Variants in TRMT10C observed in about 807,000 individuals in gnomAD.
TRMT10C encodes the protein tRNA methyltransferase 10C, mitochondrial RNase P subunit.
Under a neutral mutation model 27.4 loss-of-function variants are expected in TRMT10C, and 14 were observed. The observed-to-expected ratio is 0.51, with a 90% confidence interval of 0.34 to 0.80. The LOEUF is 0.80. TRMT10C is among the 30% of genes least tolerant of loss of function. The pLI, the probability that TRMT10C is intolerant of heterozygous loss-of-function variation, is 0.02. For missense variants in TRMT10C, 438 were observed against 464.8 expected, an observed-to-expected ratio of 0.94 and a Z score of 0.53; for synonymous variants, 143 against 155.9, an observed-to-expected ratio of 0.92 and a Z score of 0.62.
Position 101,566,051 on chromosome 3 carries a change from T to G in TRMT10C, c.*58T>G. On this transcript the variant is annotated 3_prime_UTR_variant, in exon 2 of 2. Coordinates refer to ENST00000309922, the MANE Select transcript of TRMT10C (RefSeq NM_017819.4). ...GAACACGTGGCTCAAATGAGAACAT[T>G]TGATGGCTTAAAAAGTAAATGCGTT... is the stretch of plus-strand genomic sequence containing the variant. 1 of 1,503,452 alleles carries G rather than the reference T, an allele frequency of 6.7e-7. No homozygotes were observed. Among genetic ancestry groups the G allele is most frequent in the Non-Finnish European group, 8.9e-7 (1 of 1,123,392 alleles). The allele number at this position is 1,503,452 out of a possible 1,614,324, so 93.1% of individuals were successfully genotyped here.
Position 101,565,647 on chromosome 3 carries a change from A to T in TRMT10C, c.866A>T (p.Tyr289Phe), listed in dbSNP as rs187732394. Residue 289 changes from tyrosine (Y) to phenylalanine (F), a missense_variant, in exon 2 of 2, where the codon TAT (tyrosine) becomes TTT (phenylalanine). Physicochemically the swap from Tyr to Phe is conservative, Grantham distance 22 (BLOSUM62 3). Transcript: ENST00000309922. ...VDLFPKDSIIYLTADSPNVMT... is the reference protein window; with the variant it reads ...VDLFPKDSIIFLTADSPNVMT... Reference sequence around the variant, plus strand: ...TTATTTCCAAAGGACAGTATTATCTATTTAACTGCAGATTCTCCCAATGTT... The same window carrying T: ...TTATTTCCAAAGGACAGTATTATCTTTTTAACTGCAGATTCTCCCAATGTT... The T allele has an allele frequency of 6.2e-7, 1 of 1,614,096 alleles. No homozygotes were observed. Among genetic ancestry groups the T allele is most frequent in the South Asian group, 1.1e-5 (1 of 91,094 alleles).
At position 101,566,405 on chromosome 3, in the gene TRMT10C, G is replaced by C. The variant is rs1934516318; in HGVS notation, c.*412G>C. ...GTGCATCTCTTTGTCTGTATGTTTT[G>C]TAATATCTTTTACAGTAAACTGGTA... On this transcript the variant is annotated 3_prime_UTR_variant, in exon 2 of 2. Coordinates refer to ENST00000309922, the MANE Select transcript of TRMT10C (RefSeq NM_017819.4). 1 of 157,990 alleles carries C rather than the reference G, an allele frequency of 6.3e-6. No individual in the cohort carries two copies. Among genetic ancestry groups the C allele is most frequent in the Admixed American group, 6.2e-5 (1 of 16,038 alleles). The allele number at this position is 157,990 out of a possible 1,614,324, so 9.8% of individuals were successfully genotyped here.
chr3:101,563,377 C>CA (rs1369522805), intron 1 of TRMT10C, among the ~76,000 whole-genome samples: 1 of 152,134 alleles, frequency 6.6e-6, no homozygotes, highest in Non-Finnish European at 1.5e-5. Context: ...AGGCTGGTCT[C>CA]AAACTCCTGA....
In TRMT10C at chr3:101,566,227, A is replaced by G; in HGVS notation, c.*234A>G. ...TATACTTTGTTTACTGTAGAAAGAT[A>G]ATAAAAAGAGTTGTCCAAGATTGTT... On this transcript the variant is annotated 3_prime_UTR_variant, in exon 2 of 2. Transcript: ENST00000309922. The G allele has an allele frequency of 2.4e-6, 1 of 418,244 alleles. No individual in the cohort carries two copies. The highest frequency in any genetic ancestry group is 4.4e-6 in the Non-Finnish European group (1 of 227,128). 25.9% of individuals were successfully genotyped at this position (418,244 alleles called of 1,614,324 possible). A position where few individuals can be genotyped will look rare whatever the true frequency, so the allele number is the denominator to read the frequency against.
Position 101,565,854 on chromosome 3 carries a change from G to C in TRMT10C, c.1073G>C (p.Arg358Pro). The C allele has an allele frequency of 1.9e-6, 3 of 1,614,090 alleles. No homozygotes were observed. The highest frequency in any genetic ancestry group is 2.5e-6 in the Non-Finnish European group (3 of 1,179,998). Residue 358 changes from arginine to proline, a missense_variant, in exon 2 of 2, where the codon CGT becomes CCT. Arg to Pro is a moderately radical substitution (Grantham distance 103, BLOSUM62 -2). Transcript: ENST00000309922. ...AATCTCACCTTAGATCAAATGATAC[G>C]TATTTTGTTATGTCTGAAAAACAAT... ...NKNLTLDQMI[R>P]ILLCLKNNGN...
chr3:101,563,194 C>G (rs1427910082), intron 1 of TRMT10C, among the ~76,000 whole-genome samples: 3 of 152,174 alleles, frequency 2.0e-5, no homozygotes. Flanking sequence ...CGGCTCACTG[C>G]AACTTCCGCC....
rs1421373141 is a variant in TRMT10C, at chr3:101,565,545, A to C, written c.764A>C (p.His255Pro). 1.2e-6 allele frequency: 2 copies of C among 1,613,930 alleles called. No homozygotes were observed. The change falls in exon 2 of 2, where the codon CAC becomes CCC. Residue 255 changes from histidine (H) to proline (P), a missense_variant. His to Pro is a moderately conservative substitution (Grantham distance 77, BLOSUM62 -2). Around this residue, in one of 3 missense-constraint regions of TRMT10C, gnomAD observed 350 missense variants for 370.5 expected, o/e 0.94. Coordinates refer to ENST00000309922, the MANE Select transcript of TRMT10C (RefSeq NM_017819.4). ...AATCTAAAAATAGATGGTGCTTTGC[A>C]CAGAGAGTTAGTTAAACGGTATCAA... The part of the protein sequence containing the change: ...FCNLKIDGAL[H>P]RELVKRYQEK...
In TRMT10C at chr3:101,566,020, T is replaced by A. The variant is rs373507615; in HGVS notation, c.*27T>A. 6.4e-7 allele frequency: 1 copy of A among 1,561,644 alleles called. No individual in the cohort carries two copies. The highest frequency in any genetic ancestry group is 8.6e-7 in the Non-Finnish European group (1 of 1,156,524). ...TCATTTTCAAAAGGTTCTCTGAATG[T>A]GCACAGAACACGTGGCTCAAATGAG... On this transcript the variant is annotated 3_prime_UTR_variant, in exon 2 of 2. Coordinates refer to ENST00000309922, the MANE Select transcript of TRMT10C (RefSeq NM_017819.4).
At position 101,565,827 on chromosome 3, in the gene TRMT10C, A is replaced by G. The variant is rs1169579178; in HGVS notation, c.1046A>G (p.Lys349Arg). 3 of 1,614,140 alleles carry G rather than the reference A, an allele frequency of 1.9e-6. No homozygotes were observed. Among genetic ancestry groups the G allele is most frequent in the South Asian group, 2.2e-5 (2 of 91,088 alleles). The change falls in exon 2 of 2, where the codon AAA (lysine) becomes AGA (arginine). Residue 349 changes from lysine to arginine, a missense_variant. Coordinates refer to ENST00000309922, the MANE Select transcript of TRMT10C (RefSeq NM_017819.4). ...DKYLQWEIGN[K>R]NLTLDQMIRI... ...TATTTACAATGGGAAATTGGTAACA[A>G]AAATCTCACCTTAGATCAAATGATA...
intron 1 of TRMT10C, among the ~76,000 whole-genome samples, chr3:101,562,506 C>G (rs973408560): frequency 6.6e-6 from 1 of 152,074 alleles, no homozygotes; most frequent in African/African-American, 2.4e-5. Flanking sequence ...TACAAAATAG[C>G]CGGGCGTGGT....
chr3:101,566,114 A>G lies in TRMT10C; in HGVS notation c.*121A>G. On this transcript the variant is annotated 3_prime_UTR_variant, in exon 2 of 2. Coordinates refer to ENST00000309922, the MANE Select transcript of TRMT10C (RefSeq NM_017819.4). ...CTGTTAATGTATTTCTTCCCAAACA[A>G]TTCATTTTTCTCTTCTAAAGGTAGT... 5.1e-6 allele frequency: 6 copies of G among 1,178,174 alleles called. No homozygotes were observed. The highest frequency in any genetic ancestry group is 7.0e-6 in the Non-Finnish European group (6 of 858,150). The allele number at this position is 1,178,174 out of a possible 1,614,324, so 73.0% of individuals were successfully genotyped here. A position where few individuals can be genotyped will look rare whatever the true frequency, so the allele number is the denominator to read the frequency against.
chr3:101,565,953 C>A lies in TRMT10C; in HGVS notation c.1172C>A (p.Ser391Tyr). 6.2e-7 allele frequency: 1 copy of A among 1,612,326 alleles called. No homozygotes were observed. The highest frequency in any genetic ancestry group is 1.1e-5 in the South Asian group (1 of 90,902). ...GGTTTTCTGGAGATTTCTCAGCATTCTCAAGAGTTTATCAACAGACTAAAG... is the reference window on the plus strand; with the variant it reads ...GGTTTTCTGGAGATTTCTCAGCATTATCAAGAGTTTATCAACAGACTAAAG... ...HTGFLEISQH[S>Y]QEFINRLKKA... Residue 391 changes from serine to tyrosine, a missense_variant, in exon 2 of 2, where the codon TCT (serine) becomes TAT (tyrosine). By Grantham distance (144) the Ser-to-Tyr change is moderately radical. Around this residue, in one of 3 missense-constraint regions of TRMT10C, gnomAD observed 84 missense variants for 76.5 expected, o/e 1.10. Transcript: ENST00000309922.
At chr3:101,564,256 C>CT (rs11410961) in intron 1 of TRMT10C, among the ~76,000 whole-genome samples, 64,316 of 121,460 alleles carry the variant, frequency 0.53, 18,992 homozygotes, top group South Asian at 0.65. Context: ...AAGAACCCAA[C>CT]TTTTTTTTTT....
chr3:101,562,611 T>A (rs1309450554), intron 1 of TRMT10C, among the ~76,000 whole-genome samples: 1 of 151,540 alleles, frequency 6.6e-6, no homozygotes, highest in Admixed American at 6.6e-5. Flanking sequence ...CGCGCCACTA[T>A]ACTCCAGCCT....
At position 101,564,912 on chromosome 3, in the gene TRMT10C, T is replaced by A; in HGVS notation, c.131T>A (p.Ile44Lys). ...TTGCAGAGATACATGTCTTCCAAAA[T>A]ACCAGCTGTTACTTATCCTAAAAAT... ...TILQRYMSSKIPAVTYPKNES... is the reference protein window; with the variant it reads ...TILQRYMSSKKPAVTYPKNES... The change falls in exon 2 of 2, where the codon ATA (isoleucine) becomes AAA (lysine). Residue 44 changes from isoleucine (I) to lysine (K), a missense_variant. Physicochemically the swap from Ile to Lys is moderately radical, Grantham distance 102. Around this residue, in one of 3 missense-constraint regions of TRMT10C, gnomAD observed 350 missense variants for 370.5 expected, o/e 0.94. Coordinates refer to ENST00000309922, the MANE Select transcript of TRMT10C (RefSeq NM_017819.4). The A allele has an allele frequency of 6.2e-7, 1 of 1,613,988 alleles. No homozygotes were observed. The highest frequency in any genetic ancestry group is 8.5e-7 in the Non-Finnish European group (1 of 1,180,012).
chr3:101,565,160 AC>A lies in TRMT10C; in HGVS notation c.380del (p.Thr127LysfsTer7), dbSNP rs1197221690. 6.3e-7 allele frequency: 1 copy of A among 1,576,504 alleles called. No individual in the cohort carries two copies. The highest frequency in any genetic ancestry group is 1.9e-5 in the Admixed American group (1 of 52,256). On this transcript the variant is annotated frameshift_variant, in exon 2 of 2. Transcript: ENST00000309922. LOFTEE classifies it high-confidence loss of function. ...AACCCTTATGGAATGTGTTTCTAAC[AC>A]AGCAAAAAAAAAATATTTAAAATAT... ...LKTLMECVSN[T>X]AKKKYLKYLY...
At position 101,565,552 on chromosome 3, in the gene TRMT10C, G is replaced by C. The variant is rs761748701; in HGVS notation, c.771G>C (p.Glu257Asp). The change falls in exon 2 of 2, where the codon GAG (glutamate) becomes GAC (aspartate). Residue 257 changes from glutamate to aspartate, a missense_variant. Glu to Asp is a conservative substitution (Grantham distance 45, BLOSUM62 2). Coordinates refer to ENST00000309922, the MANE Select transcript of TRMT10C (RefSeq NM_017819.4). ...AAATAGATGGTGCTTTGCACAGAGA[G>C]TTAGTTAAACGGTATCAAGAAAAAT... Reference protein sequence around the residue: ...NLKIDGALHRELVKRYQEKWD... With the variant: ...NLKIDGALHRDLVKRYQEKWD... 3.1e-6 allele frequency: 5 copies of C among 1,613,832 alleles called. No homozygotes were observed. The highest frequency in any genetic ancestry group is 3.4e-6 in the Non-Finnish European group (4 of 1,179,926).
chr3:101,561,886 T>A lies in TRMT10C; in HGVS notation c.-130T>A, dbSNP rs1329858202. 1 of 152,594 alleles carries A rather than the reference T, an allele frequency of 6.6e-6. No homozygotes were observed. The allele number at this position is 152,594 out of a possible 1,614,324, so 9.5% of individuals were successfully genotyped here. A position where few individuals can be genotyped will look rare whatever the true frequency, so the allele number is the denominator to read the frequency against. On this transcript the variant is annotated 5_prime_UTR_variant, in exon 1 of 2. It adds an upstream start codon to the 5' untranslated region. Coordinates refer to ENST00000309922, the MANE Select transcript of TRMT10C (RefSeq NM_017819.4). ...CCGCTCTGGTCGGCTGTGTAGACTG[T>A]TGGGTAGGCTGCGTGCTAGCTTCGG...
chr3:101,565,970 A>G lies in TRMT10C; in HGVS notation c.1189A>G (p.Arg397Gly). 1 of 1,603,606 alleles carries G rather than the reference A, an allele frequency of 6.2e-7. No homozygotes were observed. The highest frequency in any genetic ancestry group is 8.5e-7 in the Non-Finnish European group (1 of 1,175,234). ...TCAGCATTCTCAAGAGTTTATCAAC[A>G]GACTAAAGAAGGCAAAGACTTAATT... ...ISQHSQEFIN[R>G]LKKAKT The change falls in exon 2 of 2, where the codon AGA becomes GGA. Residue 397 changes from arginine (R) to glycine (G), a missense_variant. Arg to Gly is a moderately radical substitution (Grantham distance 125, BLOSUM62 -2). This residue lies in a region of TRMT10C where 84 missense variants were observed against 76.5 expected (regional missense o/e 1.10). Coordinates refer to ENST00000309922, the MANE Select transcript of TRMT10C (RefSeq NM_017819.4).
Sources: gnomAD v4.1 joint callset for allele counts (sites outside exome capture counted in the v4.1 genomes callset) on GRCh38, gnomAD v4.1.1 for gene constraint, gnomAD v4.1.1 regional missense constraint, MANE v1.5 for transcripts, NCBI Gene and HGNC (gene_info 2026-07-23, HGNC 2026-07-21) for gene names.